Variants in KATNAL1 observed in about 807,000 individuals in gnomAD.
KATNAL1 encodes the protein katanin p60 ATPase-containing subunit A-like 1.
A neutral mutation model predicts 55.2 loss-of-function variants in KATNAL1; 32 were observed. The ratio of observed to expected loss-of-function variants is 0.58; its 90% confidence interval spans 0.44 to 0.78. The LOEUF (loss-of-function observed/expected upper bound fraction) is 0.78, where lower values mean the gene tolerates loss of function less well. Among genes scored for constraint, KATNAL1 ranks in the 30% least tolerant of loss-of-function variants. KATNAL1 has a pLI of 0.00. For synonymous variants in KATNAL1, 193 were observed against 193.6 expected (o/e 1.00, Z 0.02); for missense variants, 466 against 600.9 (o/e 0.78, Z 2.35).
intron 9 of KATNAL1, among the ~76,000 whole-genome samples, chr13:30,224,500 C>T (rs1255072519): frequency 6.6e-6 from 1 of 151,108 alleles, no homozygotes; most frequent in Admixed American, 6.6e-5. Flanking sequence ...TGCCACTGAA[C>T]TCCAGCCTGG....
At chr13:30,218,195 C>T (rs1225787192) in intron 9 of KATNAL1, among the ~76,000 whole-genome samples, 1 of 95,548 alleles carries the variant, frequency 1.0e-5, no homozygotes, top group Non-Finnish European at 2.0e-5. Context: ...TGTGAACTTG[C>T]AGTAAAAGGA....
At chr13:30,231,880 T>A (rs2137398676) in intron 6 of KATNAL1, among the ~76,000 whole-genome samples, 1 of 152,294 alleles carries the variant, frequency 6.6e-6, no homozygotes, top group Admixed American at 6.5e-5. Flanking sequence ...TTACCCTCTA[T>A]AAGGGACAGA....
chr13:30,276,244 G>A (rs760618583), intron 3 of KATNAL1, among the ~76,000 whole-genome samples: 1 of 152,192 alleles, frequency 6.6e-6, no homozygotes, highest in Non-Finnish European at 1.5e-5. Context: ...AACTGCTGGT[G>A]ATTTAAACCT....
At chr13:30,225,867 G>GA (rs1174958862) in intron 9 of KATNAL1, among the ~76,000 whole-genome samples, 14 of 151,556 alleles carry the variant, frequency 9.2e-5, no homozygotes, top group Admixed American at 9.2e-4. Context: ...ATACCATAAA[G>GA]AAAATCAAAA....
In KATNAL1 at chr13:30,306,043, G is replaced by A. The variant is rs375368243; in HGVS notation, c.-15+1288C>T. Among the ~76,000 whole-genome samples the A allele has an allele frequency of 3.1e-4, 47 of 150,220 alleles. 1 individual carries two copies. The East Asian group carries it at 8.0e-3, about 26-fold the overall frequency. ...AAGAGAAAGTTTTATAGGATTTGTG[G>A]TCTTTTTGTTTTTAAACACACACAC... On this transcript the variant is annotated intron_variant, in intron 1 of 10. Transcript: ENST00000380615.
In KATNAL1 at chr13:30,255,496, G is replaced by A; in HGVS notation, c.443C>T (p.Pro148Leu). The A allele has an allele frequency of 6.3e-7, 1 of 1,595,390 alleles. No individual in the cohort carries two copies. The highest frequency in any genetic ancestry group is 1.7e-4 in the Middle Eastern group (1 of 5,988). The change falls in exon 4 of 11, where the codon CCT becomes CTT. Residue 148 changes from proline (P) to leucine (L), a missense_variant. Transcript: ENST00000380615. ...RAHPISKSEK[P>L]STSRDKDYRA... ...ATAGTCCTTGTCCCTACTTGTAGAA[G>A]GCTTTTCACTCTTTGATATAGGATG...
intron 3 of KATNAL1, among the ~76,000 whole-genome samples, chr13:30,262,108 C>T (rs1227652952): frequency 6.6e-6 from 1 of 151,844 alleles, no homozygotes; most frequent in African/African-American, 2.4e-5. Context: ...CAACCTGCTC[C>T]TGAATGACTA....
At chr13:30,287,129 G>A (rs934652538) in intron 1 of KATNAL1, among the ~76,000 whole-genome samples, 1 of 152,206 alleles carries the variant, frequency 6.6e-6, no homozygotes, top group Non-Finnish European at 1.5e-5. Context: ...TCTGGAATGG[G>A]TTAAGACTTT....
chr13:30,208,998 C>T (rs1161538181), intron 10 of KATNAL1, among the ~76,000 whole-genome samples: 2 of 152,136 alleles, frequency 1.3e-5, no homozygotes, highest in Non-Finnish European at 2.9e-5. Context: ...TTTCTTTTCT[C>T]CACTTGCTCC....
chr13:30,283,639 C>T lies in KATNAL1; in HGVS notation c.139G>A (p.Ala47Thr). 5.0e-6 allele frequency: 8 copies of T among 1,613,810 alleles called. No homozygotes were observed. The highest frequency in any genetic ancestry group is 6.8e-6 in the Non-Finnish European group (8 of 1,179,842). Residue 47 changes from alanine (A) to threonine (T), a missense_variant, in exon 2 of 11, where the codon GCT becomes ACT. Transcript: ENST00000380615. ...ACCTGTTGCCATTTGCCTTTGATAG[C>T]TGGATCTCTGACTGACTGGCAATGT... Reference protein sequence around the residue: ...QRHCQSVRDPAIKGKWQQVRQ... With the variant: ...QRHCQSVRDPTIKGKWQQVRQ...
chr13:30,260,408 G>A (rs1019146763), intron 3 of KATNAL1, among the ~76,000 whole-genome samples: 8 of 152,162 alleles, frequency 5.3e-5, no homozygotes, highest in Non-Finnish European at 8.8e-5. Flanking sequence ...GGCTTCAGAC[G>A]ATCAAATTAC....
intron 3 of KATNAL1, among the ~76,000 whole-genome samples, chr13:30,276,988 G>A (rs1216101667): frequency 6.6e-6 from 1 of 152,158 alleles, no homozygotes; most frequent in Non-Finnish European, 1.5e-5. Flanking sequence ...GGGATCACTT[G>A]AGTTTTAAAT....
intron 3 of KATNAL1, among the ~76,000 whole-genome samples, chr13:30,271,650 G>C (rs991147366): frequency 6.6e-6 from 1 of 152,104 alleles, no homozygotes; most frequent in Non-Finnish European, 1.5e-5. Flanking sequence ...ACCAACATTA[G>C]AGATTACAAT....
rs1353160112 is a variant in KATNAL1 at position 30,204,156 on chromosome 13, G to A, written c.*4384C>T. The A allele has an allele frequency of 1.3e-5, 2 of 151,872 alleles. No homozygotes were observed. The highest frequency in any genetic ancestry group is 2.1e-4 in the South Asian group (1 of 4,814). The allele number at this position is 151,872 out of a possible 1,614,324, so 9.4% of individuals were successfully genotyped here. A position where few individuals can be genotyped will look rare whatever the true frequency, so the allele number is the denominator to read the frequency against. On this transcript the variant is annotated 3_prime_UTR_variant, in exon 11 of 11. Transcript: ENST00000380615. ...TAAAATATACAATCAAAACAGTTACGGAAAAAAAGATACAAAAAAGAGAAT... is the reference window on the plus strand; with the variant it reads ...TAAAATATACAATCAAAACAGTTACAGAAAAAAAGATACAAAAAAGAGAAT...
intron 1 of KATNAL1, chr13:30,296,275 C>A: frequency 8.3e-7 from 1 of 1,200,734 alleles, no homozygotes; most frequent in Non-Finnish European, 1.2e-6. Context: ...TCTTTTTCTA[C>A]CCTCTGGACT....
At chr13:30,230,743 T>C (rs1163288623) in intron 7 of KATNAL1, 149 bp from the exon 8 acceptor site, 5 of 613,952 alleles carry the variant, frequency 8.1e-6, no homozygotes, top group Non-Finnish European at 8.1e-6. Context: ...GCTAAATCAA[T>C]CATTCCCATG....
At chr13:30,258,735 G>A (rs1051088855) in intron 3 of KATNAL1, among the ~76,000 whole-genome samples, 4 of 151,888 alleles carry the variant, frequency 2.6e-5, no homozygotes, top group African/African-American at 4.8e-5. Context: ...TTTGTACGAC[G>A]TGAGGTGGGG....
chr13:30,265,673 A>G (rs1879706615), intron 3 of KATNAL1, among the ~76,000 whole-genome samples: 1 of 151,614 alleles, frequency 6.6e-6, no homozygotes, highest in African/African-American at 2.4e-5. Flanking sequence ...TTATGAGCCT[A>G]GCAGATTTTA....
intron 3 of KATNAL1, among the ~76,000 whole-genome samples, chr13:30,270,311 C>T (rs1099859): frequency 0.83 from 112,712 of 135,392 alleles, 46,739 homozygotes; most frequent in East Asian, 0.94. Flanking sequence ...GGGGTCAGCC[C>T]CCCGCCCGGC....
Sources: allele counts gnomAD v4.1 joint callset (sites outside exome capture counted in the v4.1 genomes callset), GRCh38; gene constraint gnomAD v4.1.1; transcripts MANE v1.5; gene names NCBI Gene and HGNC (gene_info 2026-07-23, HGNC 2026-07-21).